The following MYO5B variants were observed in gnomAD, a reference collection of about 807,000 sequenced individuals.
The protein encoded by MYO5B is myosin VB, also known as unconventional myosin-Vb.
A neutral mutation model predicts 229.3 loss-of-function variants in MYO5B; 143 were observed. The observed-to-expected ratio is 0.62, with a 90% CI of 0.54 to 0.72. MYO5B has a LOEUF of 0.72. Ranked by LOEUF, MYO5B falls within the 30% of genes least tolerant of loss-of-function variation. MYO5B has a pLI of 0.00. For synonymous variants in MYO5B, 918 were observed against 885.2 expected, an observed-to-expected ratio of 1.04 and a Z score of -0.66; for missense variants, 2,321 against 2,331.0, an observed-to-expected ratio of 1.00 and a Z score of 0.09.
At chr18:49,967,548 C>G (rs1427619936) in intron 10 of MYO5B, among the ~76,000 whole-genome samples, 1 of 152,208 alleles carries the variant, frequency 6.6e-6, no homozygotes, top group African/African-American at 2.4e-5. Context: ...AGATTAGATA[C>G]AGACGATAGC....
At chr18:49,985,364 C>A (rs921790145) in intron 7 of MYO5B, among the ~76,000 whole-genome samples, 1 of 152,142 alleles carries the variant, frequency 6.6e-6, no homozygotes, top group African/African-American at 2.4e-5. Context: ...TGCTGTCATC[C>A]CCCAGCTTAA....
At chr18:50,122,033 AC>A (rs2032066255) in intron 1 of MYO5B, among the ~76,000 whole-genome samples, 1 of 152,134 alleles carries the variant, frequency 6.6e-6, no homozygotes, top group Admixed American at 6.5e-5. Flanking sequence ...GACTGAACCG[AC>A]CCCCAAAGCT....
chr18:49,937,238 G>A lies in MYO5B; in HGVS notation c.1905+7C>T, dbSNP rs1459804992. On this transcript the variant is annotated splice_region_variant and intron_variant, in intron 15 of 39. Transcript: ENST00000285039. Reference sequence around the variant, plus strand: ...CCTCAGCCCATAGCTTTTGGTCCGGGGCTGACCTGGTGGCCAACGGTTTTC... The same window carrying A: ...CCTCAGCCCATAGCTTTTGGTCCGGAGCTGACCTGGTGGCCAACGGTTTTC... 6.2e-6 allele frequency: 10 copies of A among 1,613,882 alleles called. No homozygotes were observed. Among genetic ancestry groups the A allele is most frequent in the Non-Finnish European group, 8.5e-6 (10 of 1,179,904 alleles).
At chr18:49,836,276 T>A (rs1399070656) in intron 38 of MYO5B, among the ~76,000 whole-genome samples, 1 of 152,164 alleles carries the variant, frequency 6.6e-6, no homozygotes, top group Non-Finnish European at 1.5e-5. Context: ...TGAGTGAAAA[T>A]ATGACCATAT....
At chr18:49,926,775 G>C (rs1598887122) in intron 17 of MYO5B, among the ~76,000 whole-genome samples, 1 of 152,144 alleles carries the variant, frequency 6.6e-6, no homozygotes, top group Admixed American at 6.5e-5. Context: ...AGTTAAAGGA[G>C]TCTATTGAGG....
intron 17 of MYO5B, among the ~76,000 whole-genome samples, chr18:49,912,509 C>T (rs2024969554): frequency 6.6e-6 from 1 of 152,146 alleles, no homozygotes; most frequent in African/African-American, 2.4e-5. Context: ...ATAATTCTCA[C>T]ATGTCGAGGG....
At chr18:49,958,179 T>C (rs2025517354) in intron 12 of MYO5B, among the ~76,000 whole-genome samples, 1 of 152,232 alleles carries the variant, frequency 6.6e-6, no homozygotes, top group Admixed American at 6.5e-5. Context: ...CCTGCCATTA[T>C]ACTTTTATAC....
chr18:49,843,418 G>T (rs761883252), intron 33 of MYO5B, 26 bp from the exon 34 acceptor site: 4 of 1,613,726 alleles, frequency 2.5e-6, no homozygotes, highest in Admixed American at 1.7e-5. Flanking sequence ...GCAGCAAATG[G>T]CAAGTTAGAT....
chr18:50,032,058 T>G (rs996157200), intron 4 of MYO5B, among the ~76,000 whole-genome samples: 2 of 152,196 alleles, frequency 1.3e-5, no homozygotes, highest in African/African-American at 4.8e-5. Context: ...CACCCCAGCC[T>G]GCAAAGGCCT....
intron 5 of MYO5B, among the ~76,000 whole-genome samples, chr18:49,997,672 G>A (rs2144321371): frequency 6.6e-6 from 1 of 152,226 alleles, no homozygotes; most frequent in East Asian, 1.9e-4. Context: ...CAGGGTCAGA[G>A]AGTGCTGGTG....
chr18:50,002,065 A>T (rs1017256323), intron 4 of MYO5B, among the ~76,000 whole-genome samples: 17 of 151,206 alleles, frequency 1.1e-4, no homozygotes, highest in African/African-American at 3.9e-4. Context: ...TCACAAGCAC[A>T]CACTTTCAGT....
chr18:49,858,017 T>A (rs970879083), intron 29 of MYO5B, among the ~76,000 whole-genome samples: 3 of 152,150 alleles, frequency 2.0e-5, no homozygotes, highest in African/African-American at 7.2e-5. Context: ...GGACCTGTAA[T>A]GCCCTCGTCC....
chr18:50,038,117 C>T (rs908799653), intron 3 of MYO5B, among the ~76,000 whole-genome samples: 4 of 152,134 alleles, frequency 2.6e-5, no homozygotes, highest in Non-Finnish European at 4.4e-5. Context: ...GATATTTGAG[C>T]CTGTAGAAGG....
chr18:50,146,666 A>G (rs1000013236), intron 1 of MYO5B, among the ~76,000 whole-genome samples: 4 of 152,248 alleles, frequency 2.6e-5, no homozygotes, highest in Non-Finnish European at 5.9e-5. Flanking sequence ...TACTTTCATC[A>G]AGGGTTATTA....
chr18:49,853,172 G>T (rs1335501327), intron 31 of MYO5B, among the ~76,000 whole-genome samples: 1 of 152,228 alleles, frequency 6.6e-6, no homozygotes, highest in African/African-American at 2.4e-5. Flanking sequence ...CCTCTTGGAA[G>T]CCAGCAGCCA....
At chr18:50,178,014 C>T (rs1450184815) in intron 1 of MYO5B, among the ~76,000 whole-genome samples, 1 of 152,356 alleles carries the variant, frequency 6.6e-6, no homozygotes, top group Admixed American at 6.5e-5. Context: ...CACTGTAATC[C>T]TTAATAGCAA....
intron 1 of MYO5B, among the ~76,000 whole-genome samples, chr18:50,185,667 T>C (rs1194971342): frequency 6.6e-6 from 1 of 152,218 alleles, no homozygotes; most frequent in East Asian, 1.9e-4. Context: ...CAATTATTAC[T>C]GTCAACAAAA....
intron 21 of MYO5B, among the ~76,000 whole-genome samples, chr18:49,896,756 C>T (rs942011501): frequency 6.6e-6 from 1 of 152,172 alleles, no homozygotes; most frequent in Non-Finnish European, 1.5e-5. Context: ...GGAGGCCCAG[C>T]TGCATTGATC....
At chr18:49,893,876 AAG>A (rs1190506014) in intron 22 of MYO5B, among the ~76,000 whole-genome samples, 1 of 152,234 alleles carries the variant, frequency 6.6e-6, no homozygotes, top group African/African-American at 2.4e-5. Context: ...TGGGAAATAG[AAG>A]AGAGAAGGAC....
Sources: allele counts gnomAD v4.1 joint callset (sites outside exome capture counted in the v4.1 genomes callset), GRCh38; gene constraint gnomAD v4.1.1; transcripts MANE v1.5; gene names NCBI Gene and HGNC (gene_info 2026-07-23, HGNC 2026-07-21).